The following LANCL1 variants were observed in gnomAD, a reference collection of about 807,000 sequenced individuals.
The protein encoded by LANCL1 is LanC like glutathione S-transferase 1.
Under a neutral mutation model 50.6 loss-of-function variants are expected in LANCL1, and 50 were observed. The observed-to-expected ratio is 0.99, with a 90% CI of 0.79 to 1.25. The LOEUF (loss-of-function observed/expected upper bound fraction) is 1.25. LANCL1 is among the 50% of genes most tolerant of loss of function. The pLI is 0.00. For synonymous variants in LANCL1, 188 were observed against 178.6 expected, an observed-to-expected ratio of 1.05 and a Z score of -0.42; for missense variants, 532 against 480.7, an observed-to-expected ratio of 1.11 and a Z score of -1.00.
Position 210,437,698 on chromosome 2 carries a change from C to A in LANCL1, c.865G>T (p.Ala289Ser). ...APGVIYMLIQAYKVFREEKYL... is the reference protein window; with the variant it reads ...APGVIYMLIQSYKVFREEKYL... ...AAAAATACACACAGTACCTTATAGG[C>A]CTGGATGAGCATGTAGATTACCCCA... The change falls in exon 7 of 10, where the codon GCC (alanine) becomes TCC (serine). Residue 289 changes from alanine (A) to serine (S), a missense_variant. Transcript: ENST00000450366. The A allele has an allele frequency of 6.3e-7, 1 of 1,591,334 alleles. No individual in the cohort carries two copies. The highest frequency in any genetic ancestry group is 8.5e-7 in the Non-Finnish European group (1 of 1,170,800).
rs1397967723 is a variant in LANCL1, at chr2:210,435,378, A to G, written c.1123+9T>C. 2 of 1,601,658 alleles carry G rather than the reference A, an allele frequency of 1.2e-6. No homozygotes were observed. The highest frequency in any genetic ancestry group is 1.7e-6 in the Non-Finnish European group (2 of 1,168,734). Reference sequence around the variant, plus strand: ...ATTATAGGGCAAATAAATAAAGTGTACAAAATACCTTCAAAGAGAGAGAAA... The same window carrying G: ...ATTATAGGGCAAATAAATAAAGTGTGCAAAATACCTTCAAAGAGAGAGAAA... On this transcript the variant is annotated intron_variant, in intron 9 of 9. Transcript: ENST00000450366.
rs760573115 is a variant in LANCL1, at chr2:210,441,314, A to C, written c.537T>G (p.Ile179Met). Residue 179 changes from isoleucine (I) to methionine (M), a missense_variant, in exon 5 of 10, where the codon ATT becomes ATG. Transcript: ENST00000450366. The stretch of plus-strand genomic sequence containing the variant: ...AAACACAAAAACGTGGTACCTGCTG[A>C]ATATGGCTTTGAGGAATCTTTTCCA... ...FGVEKIPQSHIQQICETILTS... is the reference protein window; with the variant it reads ...FGVEKIPQSHMQQICETILTS... 9 of 1,612,054 alleles carry C rather than the reference A, an allele frequency of 5.6e-6. No homozygotes were observed. The Admixed American group carries it at 1.3e-4, about 24-fold the overall frequency.
chr2:210,475,109 C>A (rs80219866), intron 2 of LANCL1, among the ~76,000 whole-genome samples: 317 of 152,196 alleles, frequency 2.1e-3, no homozygotes, highest in African/African-American at 7.3e-3. Flanking sequence ...TCTTTGATTC[C>A]TCCTACCTGC....
chr2:210,449,876 C>T (rs1440052212), intron 4 of LANCL1, among the ~76,000 whole-genome samples: 3 of 152,192 alleles, frequency 2.0e-5, no homozygotes, highest in African/African-American at 7.2e-5. Flanking sequence ...ATTCCATGCT[C>T]ATGGATAGGA....
intron 6 of LANCL1, 28 bp from the exon 7 acceptor site, chr2:210,437,900 C>G: frequency 6.5e-7 from 1 of 1,541,730 alleles, no homozygotes; most frequent in Non-Finnish European, 8.8e-7. Context: ...ATTATTAGTT[C>G]TGCTGAAGCA....
intron 9 of LANCL1, 70 bp from the exon 10 acceptor site, chr2:210,434,633 C>T: frequency 8.0e-7 from 1 of 1,256,996 alleles, no homozygotes; most frequent in South Asian, 1.3e-5. Context: ...TTCTTTTTCC[C>T]CCATATCTTT....
intron 3 of LANCL1, among the ~76,000 whole-genome samples, chr2:210,458,911 T>C (rs1421407590): frequency 6.6e-6 from 1 of 152,182 alleles, no homozygotes; most frequent in Non-Finnish European, 1.5e-5. Flanking sequence ...CTTTTTAATA[T>C]TTTCTTTCAT....
rs897267935 is a variant in LANCL1, at chr2:210,431,807, A to G, written c.*2680T>C. 1 of 152,224 alleles carries G rather than the reference A, an allele frequency of 6.6e-6. No individual in the cohort carries two copies. Among genetic ancestry groups the G allele is most frequent in the African/African-American group, 2.4e-5 (1 of 41,464 alleles). 9.4% of individuals were successfully genotyped at this position (152,224 alleles called of 1,614,324 possible). A position where few individuals can be genotyped will look rare whatever the true frequency, so the allele number is the denominator to read the frequency against. Reference sequence around the variant, plus strand: ...ACATGACTCAGGATTAAAGACTGACAACTCAGGCCACACCGCCGTCCATGG... The same window carrying G: ...ACATGACTCAGGATTAAAGACTGACGACTCAGGCCACACCGCCGTCCATGG... On this transcript the variant is annotated 3_prime_UTR_variant, in exon 10 of 10. Coordinates refer to ENST00000450366, the MANE Select transcript of LANCL1 (RefSeq NM_006055.3).
chr2:210,436,513 A>G (rs1391370020), intron 7 of LANCL1, 121 bp from the exon 8 acceptor site: 1 of 905,180 alleles, frequency 1.1e-6, no homozygotes, highest in Non-Finnish European at 1.7e-6. Flanking sequence ...TAAAGGATTT[A>G]GTGACAGAGG....
chr2:210,466,204 A>G (rs1030220157), intron 3 of LANCL1, among the ~76,000 whole-genome samples: 1 of 152,182 alleles, frequency 6.6e-6, no homozygotes, highest in African/African-American at 2.4e-5. Flanking sequence ...CCCAGAACCC[A>G]AGAGTTCAAC....
chr2:210,475,622 T>C (rs566594563), intron 2 of LANCL1, among the ~76,000 whole-genome samples: 52 of 152,332 alleles, frequency 3.4e-4, no homozygotes, highest in African/African-American at 1.1e-3. Flanking sequence ...TGTGAGCCAC[T>C]GCACCCAGCC....
At chr2:210,455,065 T>A (rs376165694) in intron 4 of LANCL1, 42 bp downstream of exon 4, 2 of 1,524,360 alleles carry the variant, frequency 1.3e-6, no homozygotes, top group Non-Finnish European at 1.8e-6. Flanking sequence ...AATTAATGCA[T>A]AATGATGCTA....
At chr2:210,472,107 T>C (rs753292758) in intron 2 of LANCL1, 31 bp from the exon 3 acceptor site, 6 of 1,454,108 alleles carry the variant, frequency 4.1e-6, no homozygotes, top group Non-Finnish European at 5.8e-6. Flanking sequence ...AGTATCAAAA[T>C]AATGTGGGTC....
At chr2:210,466,184 C>G (rs1694052689) in intron 3 of LANCL1, among the ~76,000 whole-genome samples, 1 of 152,156 alleles carries the variant, frequency 6.6e-6, no homozygotes, top group Admixed American at 6.5e-5. Flanking sequence ...GTGCACAATG[C>G]CCCTAGCTAC....
At chr2:210,441,991 G>A (rs1248793827) in intron 4 of LANCL1, among the ~76,000 whole-genome samples, 3 of 150,618 alleles carry the variant, frequency 2.0e-5, no homozygotes, top group East Asian at 1.9e-4. Context: ...CGCAACCTCC[G>A]CCTCCCAGGT....
chr2:210,454,940 C>T (rs552988428), intron 4 of LANCL1, among the ~76,000 whole-genome samples, 167 bp downstream of exon 4: 1 of 152,136 alleles, frequency 6.6e-6, no homozygotes, highest in East Asian at 1.9e-4. Flanking sequence ...GGATTATAAT[C>T]GTTGTTCCTT....
At chr2:210,465,470 A>G (rs1204018326) in intron 3 of LANCL1, among the ~76,000 whole-genome samples, 4 of 152,228 alleles carry the variant, frequency 2.6e-5, no homozygotes, top group Non-Finnish European at 5.9e-5. Flanking sequence ...TGAATCCAGC[A>G]TAAGGACCAC....
chr2:210,441,220 C>A lies in LANCL1; in HGVS notation c.543+88G>T, dbSNP rs778430580. 3.0e-6 allele frequency: 4 copies of A among 1,321,674 alleles called. No homozygotes were observed. In the African/African-American group the frequency reaches 4.4e-5, roughly 15 times the overall value. 81.9% of individuals were successfully genotyped at this position (1,321,674 alleles called of 1,614,324 possible). ...TACACCTTCCTTTATATGGAATGTG[C>A]TAACTACAGAGACATAAACAATAGT... On this transcript the variant is annotated intron_variant, in intron 5 of 9. Coordinates refer to ENST00000450366, the MANE Select transcript of LANCL1 (RefSeq NM_006055.3).
intron 4 of LANCL1, among the ~76,000 whole-genome samples, chr2:210,453,424 C>T (rs1693569174): frequency 6.6e-6 from 1 of 152,166 alleles, no homozygotes; most frequent in Non-Finnish European, 1.5e-5. Context: ...CCCAGGTATA[C>T]AAGCTACAGA....
Sources: allele counts gnomAD v4.1 joint callset (sites outside exome capture counted in the v4.1 genomes callset), GRCh38; gene constraint gnomAD v4.1.1; transcripts MANE v1.5; gene names NCBI Gene and HGNC (gene_info 2026-07-23, HGNC 2026-07-21).